AXIN1: variants seen among roughly 807,000 people sequenced by gnomAD.
AXIN1 encodes the protein axin 1.
A neutral mutation model predicts 76.4 loss-of-function variants in AXIN1; 30 were observed. The observed-to-expected ratio is 0.39, with a 90% CI of 0.29 to 0.53. AXIN1 has a LOEUF of 0.53. Among genes scored for constraint, AXIN1 ranks in the 20% least tolerant of loss-of-function variants. The pLI is 0.66. For synonymous variants in AXIN1, 545 were observed against 501.4 expected (o/e 1.09, Z -1.16); for missense variants, 1,140 against 1,198.8 (o/e 0.95, Z 0.72).
At chr16:304,854 A>G (rs1160987929) in intron 4 of AXIN1, among the ~76,000 whole-genome samples, 1 of 152,154 alleles carries the variant, frequency 6.6e-6, no homozygotes, top group Non-Finnish European at 1.5e-5. Flanking sequence ...TTTTAAAGCA[A>G]GAGTTTACTT....
At chr16:332,210 C>T (rs1311004675) in intron 2 of AXIN1, among the ~76,000 whole-genome samples, 1 of 152,218 alleles carries the variant, frequency 6.6e-6, no homozygotes, top group Admixed American at 6.5e-5. Context: ...GGTCCAAGGA[C>T]AGTTTAGAGA....
intron 2 of AXIN1, among the ~76,000 whole-genome samples, chr16:321,883 C>T (rs2053467456): frequency 6.6e-6 from 1 of 152,230 alleles, no homozygotes; most frequent in South Asian, 2.1e-4. Flanking sequence ...ACCCTGAATG[C>T]TTCAGGCTGG....
chr16:308,698 ATG>A (rs2053092541), intron 4 of AXIN1, among the ~76,000 whole-genome samples: 1 of 152,176 alleles, frequency 6.6e-6, no homozygotes, highest in African/African-American at 2.4e-5. Flanking sequence ...GCCTTGGGCC[ATG>A]CCTGGCAGGC....
At chr16:318,941 G>A (rs1175512236) in intron 2 of AXIN1, among the ~76,000 whole-genome samples, 2 of 136,492 alleles carry the variant, frequency 1.5e-5, no homozygotes, top group South Asian at 2.2e-4. Context: ...GGCTGTGTGT[G>A]GAGAGAATGC....
rs1205412910 is a variant in AXIN1 at position 310,053 on chromosome 16, A to AT, written c.1035dup (p.Tyr346IlefsTer5). 6.2e-7 allele frequency: 1 copy of AT among 1,612,068 alleles called. No homozygotes were observed. The highest frequency in any genetic ancestry group is 1.1e-5 in the South Asian group (1 of 90,788). Reference sequence around the variant, plus strand: ...CTGCGGTGCTGCTTACGGATCCTGTATGGGGGGATCCCATCCCTGTCCAGG... The same window carrying AT: ...CTGCGGTGCTGCTTACGGATCCTGTATTGGGGGGATCCCATCCCTGTCCAGG... On this transcript the variant is annotated frameshift_variant, in exon 4 of 11. Coordinates refer to ENST00000262320, the MANE Select transcript of AXIN1 (RefSeq NM_003502.4). LOFTEE classifies it high-confidence loss of function.
intron 4 of AXIN1, among the ~76,000 whole-genome samples, chr16:305,644 C>T (rs1041257695): frequency 6.6e-6 from 1 of 152,104 alleles, no homozygotes; most frequent in Non-Finnish European, 1.5e-5. Flanking sequence ...CCCGGGTTCA[C>T]GCCATTCTCC....
chr16:352,211 C>T (rs2054160529), intron 1 of AXIN1, among the ~76,000 whole-genome samples, 158 bp downstream of exon 1: 1 of 151,712 alleles, frequency 6.6e-6, no homozygotes, highest in African/African-American at 2.4e-5. Flanking sequence ...GCCACCGCGC[C>T]GCCAGTCCCG....
At chr16:320,720 T>C (rs1002760480) in intron 2 of AXIN1, among the ~76,000 whole-genome samples, 1 of 102,742 alleles carries the variant, frequency 9.7e-6, no homozygotes, top group Non-Finnish European at 1.8e-5. Flanking sequence ...TATGCGTGTG[T>C]GTGTATATAT....
intron 2 of AXIN1, among the ~76,000 whole-genome samples, chr16:336,827 A>C (rs1292891999): frequency 4.7e-5 from 7 of 149,998 alleles, no homozygotes; most frequent in African/African-American, 1.5e-4. Context: ...AAAAAAAAAA[A>C]AAAAAAACAA....
chr16:290,038 T>C (rs1042303029), intron 9 of AXIN1: 5 of 265,184 alleles, frequency 1.9e-5, no homozygotes, highest in African/African-American at 4.4e-5. Context: ...GCAGCGAAGT[T>C]TGTCGGAGGA....
intron 5 of AXIN1, among the ~76,000 whole-genome samples, chr16:303,912 T>C (rs1313245612): frequency 6.6e-6 from 1 of 152,206 alleles, no homozygotes; most frequent in Non-Finnish European, 1.5e-5. Flanking sequence ...TGCACGCCAC[T>C]AGCCCTTCCT....
intron 3 of AXIN1, among the ~76,000 whole-genome samples, chr16:313,645 C>T (rs992442077): frequency 6.6e-5 from 10 of 152,216 alleles, no homozygotes; most frequent in African/African-American, 1.2e-4. Context: ...TGGCGTGTGG[C>T]GCACAGACCA....
At chr16:333,122 C>A (rs899601224) in intron 2 of AXIN1, among the ~76,000 whole-genome samples, 1 of 152,080 alleles carries the variant, frequency 6.6e-6, no homozygotes, top group East Asian at 1.9e-4. Context: ...CACCTGAGGT[C>A]GGGAGTTTGA....
At chr16:323,483 AAAAAC>A (rs1358456232) in intron 2 of AXIN1, among the ~76,000 whole-genome samples, 6 of 148,664 alleles carry the variant, frequency 4.0e-5, no homozygotes, top group African/African-American at 7.4e-5. Context: ...TAAGATTAAA[AAAAAC>A]AAAACAAAAC....
intron 2 of AXIN1, among the ~76,000 whole-genome samples, chr16:326,736 CA>C (rs59159771): frequency 0.051 from 6,165 of 121,064 alleles, 129 homozygotes; most frequent in Non-Finnish European, 0.059. Flanking sequence ...AGAGTGGGAT[CA>C]AAAAAAAAAA....
At chr16:329,201 C>T (rs1043398675) in intron 2 of AXIN1, among the ~76,000 whole-genome samples, 2 of 149,192 alleles carry the variant, frequency 1.3e-5, no homozygotes, top group African/African-American at 5.0e-5. Flanking sequence ...CGCTTGAACC[C>T]AGGAGGCAGA....
At chr16:332,536 A>AC (rs2053714762) in intron 2 of AXIN1, among the ~76,000 whole-genome samples, 1 of 151,684 alleles carries the variant, frequency 6.6e-6, no homozygotes, top group Admixed American at 6.6e-5. Context: ...AGACCGTGCC[A>AC]CTGCACTCCA....
rs576649617 is a variant in AXIN1 at position 330,204 on chromosome 16, G to A, written c.879-15521C>T. On this transcript the variant is annotated intron_variant, in intron 2 of 10. Coordinates refer to ENST00000262320, the MANE Select transcript of AXIN1 (RefSeq NM_003502.4). Reference sequence around the variant, plus strand: ...GCCTCCCTAGTGGCTGGAACCACAGGTGCATGCCACCACACTCATCTCAAT... The same window carrying A: ...GCCTCCCTAGTGGCTGGAACCACAGATGCATGCCACCACACTCATCTCAAT... Among the ~76,000 whole-genome samples the A allele has an allele frequency of 2.0e-5, 3 of 152,056 alleles. No homozygotes were observed. The South Asian group carries it at 6.2e-4, about 32-fold the overall frequency.
chr16:305,605 G>C (rs559242914), intron 4 of AXIN1, among the ~76,000 whole-genome samples: 1 of 152,012 alleles, frequency 6.6e-6, no homozygotes, highest in African/African-American at 2.4e-5. Context: ...GTGTAGTGGC[G>C]CGATTTCGGC....
Sources: gnomAD v4.1 joint callset for allele counts (sites outside exome capture counted in the v4.1 genomes callset) on GRCh38, gnomAD v4.1.1 for gene constraint, MANE v1.5 for transcripts, NCBI Gene and HGNC (gene_info 2026-07-23, HGNC 2026-07-21) for gene names.